The following RNF144A variants were observed in gnomAD, a reference collection of about 807,000 sequenced individuals.
RNF144A encodes ring finger protein 144A.
In RNF144A, 11 loss-of-function variants were observed where a neutral mutation model predicts 38.7. The observed-to-expected ratio is 0.28, with a 90% CI of 0.18 to 0.47. RNF144A has a LOEUF of 0.47. RNF144A is among the 20% of genes least tolerant of loss of function. RNF144A has a pLI of 0.99. For missense variants in RNF144A, 316 were observed against 377.2 expected, an observed-to-expected ratio of 0.84 and a Z score of 1.34; for synonymous variants, 149 against 143.9, an observed-to-expected ratio of 1.04 and a Z score of -0.25.
chr2:6,928,991 A>G (rs548036685), intron 1 of RNF144A, among the ~76,000 whole-genome samples: 8 of 152,078 alleles, frequency 5.3e-5, no homozygotes, highest in Non-Finnish European at 1.0e-4. Flanking sequence ...GTCAGCATCC[A>G]TTTGCTCCCT....
chr2:7,036,193 G>A (rs1572456325), intron 8 of RNF144A, among the ~76,000 whole-genome samples: 1 of 152,198 alleles, frequency 6.6e-6, no homozygotes, highest in African/African-American at 2.4e-5. Context: ...GTGTGGAGGA[G>A]CATTTCATTT....
At chr2:7,000,379 G>T (rs1670022268) in intron 3 of RNF144A, among the ~76,000 whole-genome samples, 2 of 152,228 alleles carry the variant, frequency 1.3e-5, no homozygotes, top group Admixed American at 6.5e-5. Flanking sequence ...TTGAAATCAG[G>T]CTGCCGTTAC....
intron 2 of RNF144A, among the ~76,000 whole-genome samples, chr2:6,966,472 T>G (rs373176102): frequency 6.6e-6 from 1 of 152,226 alleles, no homozygotes; most frequent in Admixed American, 6.5e-5. Context: ...GTCACCCACT[T>G]TGGTCTTCCC....
At chr2:7,003,258 G>A (rs919888304) in intron 3 of RNF144A, among the ~76,000 whole-genome samples, 1 of 152,174 alleles carries the variant, frequency 6.6e-6, no homozygotes, top group African/African-American at 2.4e-5. Flanking sequence ...TGAATTGAGT[G>A]TAGCTGAAGT....
Position 7,039,993 on chromosome 2 carries a change from A to C in RNF144A, c.*233A>C, listed in dbSNP as rs544143015. On this transcript the variant is annotated 3_prime_UTR_variant, in exon 9 of 9. Coordinates refer to ENST00000320892, the MANE Select transcript of RNF144A (RefSeq NM_014746.6). Reference sequence around the variant, plus strand: ...GGGTAGCGCACATCCCCACAGATCAATCTCTGCAGATGACAGGGAGGTGCT... The same window carrying C: ...GGGTAGCGCACATCCCCACAGATCACTCTCTGCAGATGACAGGGAGGTGCT... 4.6e-6 allele frequency: 6 copies of C among 1,296,218 alleles called. No homozygotes were observed. The highest frequency in any genetic ancestry group is 5.9e-6 in the Non-Finnish European group (6 of 1,018,060). 80.3% of individuals were successfully genotyped at this position (1,296,218 alleles called of 1,614,324 possible).
chr2:6,920,741 C>T (rs1282788925), intron 1 of RNF144A, among the ~76,000 whole-genome samples: 1 of 152,208 alleles, frequency 6.6e-6, no homozygotes, highest in Non-Finnish European at 1.5e-5. Flanking sequence ...CCAAGACTAG[C>T]CTCCTTTCTC....
chr2:7,072,022 C>A (rs1204793487), downstream of RNF144A, among the ~76,000 whole-genome samples: 1 of 152,188 alleles, frequency 6.6e-6, no homozygotes, highest in Non-Finnish European at 1.5e-5. Context: ...GTTGCCTAAG[C>A]CAGTTCCTAC....
chr2:7,024,601 A>G (rs1339188220), intron 7 of RNF144A, 85 bp downstream of exon 7: 1 of 1,492,228 alleles, frequency 6.7e-7, no homozygotes, highest in East Asian at 2.3e-5. Flanking sequence ...GCTGTTTCCT[A>G]AAGAGCTTGG....
At chr2:7,017,808 C>T (rs1409327020) in intron 5 of RNF144A, among the ~76,000 whole-genome samples, 1 of 152,142 alleles carries the variant, frequency 6.6e-6, no homozygotes, top group African/African-American at 2.4e-5. Context: ...GCCATGTTCA[C>T]AGGGTGTGAC....
chr2:6,999,705 A>G (rs925549775), intron 3 of RNF144A, among the ~76,000 whole-genome samples: 3 of 152,208 alleles, frequency 2.0e-5, no homozygotes, highest in African/African-American at 7.2e-5. Context: ...AAGTGGAAGA[A>G]CATGTGTGAA....
At chr2:7,038,747 G>A (rs960326118) in intron 8 of RNF144A, among the ~76,000 whole-genome samples, 3 of 152,074 alleles carry the variant, frequency 2.0e-5, no homozygotes, top group Non-Finnish European at 2.9e-5. Context: ...GTATAGACTG[G>A]TGAATTGATG....
chr2:7,002,885 A>T (rs186763442), intron 3 of RNF144A, among the ~76,000 whole-genome samples: 57 of 152,280 alleles, frequency 3.7e-4, no homozygotes, highest in Non-Finnish European at 7.1e-4. Context: ...CCCCTGAAGA[A>T]CTTCTAGTGG....
chr2:7,041,158 T>A lies in RNF144A; in HGVS notation c.*1398T>A. 2 of 981,902 alleles carry A rather than the reference T, an allele frequency of 2.0e-6. No homozygotes were observed. The highest frequency in any genetic ancestry group is 2.4e-6 in the Non-Finnish European group (2 of 826,754). 60.8% of individuals were successfully genotyped at this position (981,902 alleles called of 1,614,324 possible). The stretch of plus-strand genomic sequence containing the variant: ...TTGTAGCTATATTACAGTGGGATTT[T>A]AAAAATCTTGTTAAACATTCTATAA... On this transcript the variant is annotated 3_prime_UTR_variant, in exon 9 of 9. Transcript: ENST00000320892.
intron 1 of RNF144A, among the ~76,000 whole-genome samples, chr2:6,930,434 T>G (rs920541069): frequency 2.0e-5 from 3 of 152,070 alleles, no homozygotes; most frequent in African/African-American, 7.2e-5. Flanking sequence ...AAAAAATTAA[T>G]TGTAAATTCA....
At chr2:6,921,996 G>T (rs1014134134) in intron 1 of RNF144A, among the ~76,000 whole-genome samples, 9 of 152,204 alleles carry the variant, frequency 5.9e-5, no homozygotes, top group African/African-American at 2.2e-4. Context: ...ATTTCCGTGT[G>T]TAATACAGCC....
At chr2:7,047,659 G>A (rs991193665), downstream of RNF144A, among the ~76,000 whole-genome samples, 1 of 152,184 alleles carries the variant, frequency 6.6e-6, no homozygotes, top group Non-Finnish European at 1.5e-5. Flanking sequence ...AGTCACTTGG[G>A]ATGGTTCAGC....
intron 3 of RNF144A, 45 bp from the exon 4 acceptor site, chr2:7,014,409 A>G: frequency 7.9e-7 from 1 of 1,266,056 alleles, no homozygotes; most frequent in Admixed American, 1.7e-5. Flanking sequence ...CTTCAGCATT[A>G]AGGAGGTAAA....
At chr2:7,049,931 C>A (rs879398978) in intron 6 of RNF144A, among the ~76,000 whole-genome samples, 1 of 152,302 alleles carries the variant, frequency 6.6e-6, no homozygotes, top group Admixed American at 6.5e-5. Context: ...CTTTTGGAAA[C>A]GCCAGGGGCA....
Position 7,043,068 on chromosome 2 carries a change from A to G in RNF144A, c.*3308A>G, listed in dbSNP as rs1036394562. On this transcript the variant is annotated 3_prime_UTR_variant, in exon 9 of 9. Transcript: ENST00000320892. ...TTTTCAGTAGAGACGGGGTTTCACC[A>G]TGTTGGCCAGGCTACTCTCAAACTC... The G allele has an allele frequency of 4.9e-5, 28 of 567,244 alleles. No homozygotes were observed. In the South Asian group the frequency reaches 1.7e-3, roughly 34 times the overall value. 35.1% of individuals were successfully genotyped at this position (567,244 alleles called of 1,614,324 possible).
Sources: gnomAD v4.1 joint callset for allele counts (sites outside exome capture counted in the v4.1 genomes callset) on GRCh38, gnomAD v4.1.1 for gene constraint, MANE v1.5 for transcripts, NCBI Gene and HGNC (gene_info 2026-07-23, HGNC 2026-07-21) for gene names.